The following CDKAL1 variants were observed in gnomAD, a reference collection of about 807,000 sequenced individuals.
The protein encoded by CDKAL1 is CDKAL1 threonylcarbamoyladenosine tRNA methylthiotransferase, also known as threonylcarbamoyladenosine tRNA methylthiotransferase.
A neutral mutation model predicts 68.2 loss-of-function variants in CDKAL1; 32 were observed. The ratio of observed to expected loss-of-function variants is 0.47; its 90% CI spans 0.35 to 0.63. CDKAL1 has a LOEUF of 0.63. CDKAL1 is among the 30% of genes least tolerant of loss of function. The pLI, the probability that CDKAL1 is intolerant of heterozygous loss-of-function variation, is 0.00. For synonymous variants in CDKAL1, 234 were observed against 244.3 expected (o/e 0.96, Z 0.39); for missense variants, 606 against 696.7 (o/e 0.87, Z 1.47).
chr6:20,878,268 A>G (rs140487960), intron 9 of CDKAL1, among the ~76,000 whole-genome samples: 134 of 152,290 alleles, frequency 8.8e-4, no homozygotes, highest in Non-Finnish European at 1.8e-3. Context: ...CAGGCTTTAG[A>G]TAGTAACTGG....
At chr6:20,639,959 G>A (rs527379813) in intron 4 of CDKAL1, among the ~76,000 whole-genome samples, 8 of 152,240 alleles carry the variant, frequency 5.3e-5, no homozygotes, top group East Asian at 1.9e-4. Flanking sequence ...GCGAGCCACC[G>A]CGCCGACCAT....
chr6:20,732,887 C>T (rs1201940991), intron 5 of CDKAL1, among the ~76,000 whole-genome samples: 1 of 152,100 alleles, frequency 6.6e-6, no homozygotes, highest in African/African-American at 2.4e-5. Flanking sequence ...TTTTAAAGAC[C>T]CTTAACCTCT....
At chr6:21,176,771 C>T (rs1267932490) in intron 13 of CDKAL1, among the ~76,000 whole-genome samples, 2 of 147,752 alleles carry the variant, frequency 1.4e-5, no homozygotes, top group African/African-American at 2.5e-5. Context: ...CTTGGCTCAG[C>T]GCATCCTCCG....
chr6:21,128,874 G>T (rs1391709454), intron 13 of CDKAL1, among the ~76,000 whole-genome samples: 3 of 152,154 alleles, frequency 2.0e-5, no homozygotes, highest in African/African-American at 7.2e-5. Flanking sequence ...CAGCATAATG[G>T]ACCATTGTAC....
At chr6:21,230,322 C>T (rs776765243) in intron 15 of CDKAL1, among the ~76,000 whole-genome samples, 1 of 152,146 alleles carries the variant, frequency 6.6e-6, no homozygotes, top group Non-Finnish European at 1.5e-5. Context: ...CCACCACACC[C>T]AGCTAATTTT....
At chr6:20,759,854 A>C (rs2150350814) in intron 7 of CDKAL1, among the ~76,000 whole-genome samples, 1 of 152,280 alleles carries the variant, frequency 6.6e-6, no homozygotes, top group East Asian at 1.9e-4. Context: ...ATAATATGAT[A>C]CTGAAATATT....
At chr6:21,217,700 G>T (rs915944928) in intron 15 of CDKAL1, among the ~76,000 whole-genome samples, 2 of 152,104 alleles carry the variant, frequency 1.3e-5, no homozygotes, top group African/African-American at 4.8e-5. Flanking sequence ...GTTTTGCCAT[G>T]TTGGCCACAC....
At chr6:20,874,330 C>CT (rs1485573934) in intron 9 of CDKAL1, among the ~76,000 whole-genome samples, 1 of 151,424 alleles carries the variant, frequency 6.6e-6, no homozygotes, top group African/African-American at 2.4e-5. Context: ...GAGATGGAGT[C>CT]TCGCCCTGTC....
chr6:20,538,557 T>C (rs1463575486), intron 2 of CDKAL1, among the ~76,000 whole-genome samples: 1 of 152,236 alleles, frequency 6.6e-6, no homozygotes, highest in African/African-American at 2.4e-5. Flanking sequence ...ATTCCTCTTT[T>C]TCCTTTCTAT....
intron 9 of CDKAL1, among the ~76,000 whole-genome samples, chr6:20,852,329 A>G (rs1759060434): frequency 6.6e-6 from 1 of 152,194 alleles, no homozygotes; most frequent in African/African-American, 2.4e-5. Flanking sequence ...AGAGAAGTCT[A>G]CATGTTTCTA....
chr6:20,554,677 T>C (rs964930971), intron 4 of CDKAL1, among the ~76,000 whole-genome samples: 2 of 152,328 alleles, frequency 1.3e-5, no homozygotes, highest in African/African-American at 2.4e-5. Flanking sequence ...TACACAATTT[T>C]GTTAAGGAAT....
chr6:20,746,082 C>T (rs1773654086), intron 6 of CDKAL1, among the ~76,000 whole-genome samples: 1 of 152,090 alleles, frequency 6.6e-6, no homozygotes, highest in African/African-American at 2.4e-5. Context: ...TCCTTTACCC[C>T]TCCCCGCTAC....
intron 5 of CDKAL1, among the ~76,000 whole-genome samples, chr6:20,676,707 TAAAATAAAATAA>T (rs1461773548): frequency 2.1e-5 from 3 of 145,240 alleles, no homozygotes; most frequent in African/African-American, 5.6e-5. Context: ...ATAAATAAAA[TAAAATAAAATAA>T]AAAAGTCTTT....
At chr6:21,064,694 G>A (rs1033885300) in intron 11 of CDKAL1, among the ~76,000 whole-genome samples, 1 of 152,130 alleles carries the variant, frequency 6.6e-6, no homozygotes, top group African/African-American at 2.4e-5. Flanking sequence ...GGGAGGGTAA[G>A]GATAGAGTAG....
At chr6:20,794,928 A>G (rs559804851) in intron 8 of CDKAL1, among the ~76,000 whole-genome samples, 1 of 152,192 alleles carries the variant, frequency 6.6e-6, no homozygotes, top group Non-Finnish European at 1.5e-5. Context: ...TCAAAATACC[A>G]GAAACTGGTA....
intron 6 of CDKAL1, among the ~76,000 whole-genome samples, chr6:20,742,327 A>G (rs1230574743): frequency 6.6e-5 from 10 of 151,712 alleles, no homozygotes; most frequent in Admixed American, 5.9e-4. Flanking sequence ...TTTTGTTACC[A>G]CTAGTAGTCT....
chr6:20,570,840 A>C (rs1764670997), intron 4 of CDKAL1, among the ~76,000 whole-genome samples: 1 of 152,252 alleles, frequency 6.6e-6, no homozygotes, highest in South Asian at 2.1e-4. Flanking sequence ...TTACAAAAAA[A>C]AGGGTAAAAT....
At chr6:20,667,914 A>C (rs1254623038) in intron 5 of CDKAL1, among the ~76,000 whole-genome samples, 1 of 152,146 alleles carries the variant, frequency 6.6e-6, no homozygotes. Context: ...CTAAAATTTT[A>C]AAACAAAAGG....
intron 9 of CDKAL1, among the ~76,000 whole-genome samples, chr6:20,859,760 G>A (rs765007518): frequency 1.3e-5 from 2 of 152,180 alleles, no homozygotes; most frequent in Non-Finnish European, 2.9e-5. Context: ...AGAGGAATAC[G>A]GTTCAACTTT....
Sources: allele counts gnomAD v4.1 joint callset (sites outside exome capture counted in the v4.1 genomes callset), GRCh38; gene constraint gnomAD v4.1.1; transcripts MANE v1.5; gene names NCBI Gene and HGNC (gene_info 2026-07-23, HGNC 2026-07-21).